The following DLGAP1 variants were observed in gnomAD, a reference collection of about 807,000 sequenced individuals.
DLGAP1 encodes disks large-associated protein 1.
A neutral mutation model predicts 90.8 loss-of-function variants in DLGAP1; 11 were observed. That is an observed-to-expected ratio of 0.12 (90% CI 0.08 to 0.20). The LOEUF is 0.20. DLGAP1 is among the 10% of genes least tolerant of loss of function. DLGAP1 has a pLI of 1.00. For synonymous variants in DLGAP1, 558 were observed against 540.7 expected (o/e 1.03, Z -0.44); for missense variants, 1,050 against 1,333.8 (o/e 0.79, Z 3.31).
rs1018656488 is a variant in DLGAP1 at position 3,881,252 on chromosome 18, G to A, written c.-72-1112C>T. 2.0e-5 allele frequency among the ~76,000 whole-genome samples: 3 copies of A among 152,058 alleles called. No individual in the cohort carries two copies. In the East Asian group the frequency reaches 5.8e-4, roughly 30 times the overall value. On this transcript the variant is annotated intron_variant, in intron 3 of 12. Transcript: ENST00000315677. ...TGATTCCCCTGCCCCAGCCTTCAGA[G>A]TAGCTGGGATTACAGGTGCCTGCCA...
At chr18:3,816,689 T>C (rs1300489946) in intron 4 of DLGAP1, among the ~76,000 whole-genome samples, 1 of 152,220 alleles carries the variant, frequency 6.6e-6, no homozygotes, top group Non-Finnish European at 1.5e-5. Context: ...ATTATTATTA[T>C]TCCCATTTTA....
chr18:3,764,092 A>G (rs2064103318), intron 5 of DLGAP1, among the ~76,000 whole-genome samples: 1 of 152,230 alleles, frequency 6.6e-6, no homozygotes, highest in African/African-American at 2.4e-5. Flanking sequence ...GGCCCTATGC[A>G]TTTAAGTGCT....
chr18:3,872,627 T>TA lies in DLGAP1; in HGVS notation c.957+6484_957+6485insT, dbSNP rs1256735453. On this transcript the variant is annotated intron_variant, in intron 4 of 12. Transcript: ENST00000315677. ...AGTCAGCCTGGCAATACTGCATATA[T>TA]TTTTTAGCAGTTCCTAAAAAACCTG... Among the ~76,000 whole-genome samples, 4 of 152,208 alleles carry TA rather than the reference T, an allele frequency of 2.6e-5. No individual in the cohort carries two copies. The East Asian group carries it at 7.7e-4, about 29-fold the overall frequency.
intron 3 of DLGAP1, among the ~76,000 whole-genome samples, chr18:3,964,627 G>A (rs1292953651): frequency 3.9e-5 from 6 of 152,122 alleles, no homozygotes; most frequent in African/African-American, 9.7e-5. Context: ...ATGAGGAAGA[G>A]CCTTGAAGGA....
intron 1 of DLGAP1, among the ~76,000 whole-genome samples, chr18:4,301,622 G>A (rs1295295745): frequency 6.6e-6 from 1 of 152,154 alleles, no homozygotes; most frequent in East Asian, 1.9e-4. Flanking sequence ...CAGATATGCA[G>A]ATATGCCTTT....
Position 4,453,095 on chromosome 18 carries a change from C to G in DLGAP1, c.-267+1911G>C, listed in dbSNP as rs114442530. Among the ~76,000 whole-genome samples, 660 of 152,142 alleles carry G rather than the reference C, an allele frequency of 4.3e-3. 7 individuals are homozygous for G. Among genetic ancestry groups the G allele is most frequent in the African/African-American group, 0.015 (638 of 41,532 alleles). On this transcript the variant is annotated intron_variant, in intron 1 of 12. Coordinates refer to ENST00000315677, the MANE Select transcript of DLGAP1 (RefSeq NM_004746.4). Reference sequence around the variant, plus strand: ...TAAGTAAATTAGTTTTTTAAAAATTCACAGAATTTTATATCTGCGACTAGG... The same window carrying G: ...TAAGTAAATTAGTTTTTTAAAAATTGACAGAATTTTATATCTGCGACTAGG...
intron 9 of DLGAP1, among the ~76,000 whole-genome samples, chr18:3,549,578 G>A (rs531682991): frequency 7.8e-4 from 119 of 152,148 alleles, no homozygotes; most frequent in African/African-American, 2.7e-3. Context: ...TGATCCACCC[G>A]CCTCGGCCTC....
intron 1 of DLGAP1, among the ~76,000 whole-genome samples, chr18:4,319,006 A>G (rs1395132751): frequency 6.6e-6 from 1 of 152,216 alleles, no homozygotes; most frequent in East Asian, 1.9e-4. Context: ...AAATGTTTTC[A>G]TAACACAAAA....
At chr18:4,296,299 C>T (rs1198091364) in intron 1 of DLGAP1, among the ~76,000 whole-genome samples, 1 of 152,096 alleles carries the variant, frequency 6.6e-6, no homozygotes, top group Non-Finnish European at 1.5e-5. Context: ...AGCTGATGTA[C>T]ACACAGGTGC....
chr18:3,557,200 G>A (rs1220220857), intron 9 of DLGAP1, among the ~76,000 whole-genome samples: 3 of 152,096 alleles, frequency 2.0e-5, no homozygotes, highest in Non-Finnish European at 4.4e-5. Flanking sequence ...TCTAACCACT[G>A]CTTTTGCCTC....
At chr18:4,201,362 C>T (rs190174236) in intron 1 of DLGAP1, among the ~76,000 whole-genome samples, 63 of 152,150 alleles carry the variant, frequency 4.1e-4, no homozygotes, top group Non-Finnish European at 5.6e-4. Context: ...TTTCCAGCAC[C>T]GTTTATTGAA....
At chr18:4,183,361 G>A (rs2077239899) in intron 1 of DLGAP1, among the ~76,000 whole-genome samples, 1 of 152,192 alleles carries the variant, frequency 6.6e-6, no homozygotes, top group South Asian at 2.1e-4. Context: ...AGAAAGAAGA[G>A]AGATATACCA....
At chr18:4,161,159 T>C (rs2076837804) in intron 1 of DLGAP1, among the ~76,000 whole-genome samples, 1 of 152,074 alleles carries the variant, frequency 6.6e-6, no homozygotes. Context: ...CATGGTGCTT[T>C]GCTGCACAGA....
At chr18:3,522,135 C>CTTTTTTTTTTTTTTTT (rs11374414) in intron 10 of DLGAP1, among the ~76,000 whole-genome samples, 12 of 98,216 alleles carry the variant, frequency 1.2e-4, no homozygotes, top group African/African-American at 2.4e-4. Flanking sequence ...TTCTTTCTTG[C>CTTTTTTTTTTTTTTTT]TTTTTTTTTT....
intron 1 of DLGAP1, among the ~76,000 whole-genome samples, chr18:4,245,834 C>G (rs925414267): frequency 6.8e-6 from 1 of 146,634 alleles, no homozygotes; most frequent in Admixed American, 6.8e-5. Flanking sequence ...CACCTACAAG[C>G]TGAAAACAAA....
chr18:4,059,933 G>A (rs1332353299), intron 2 of DLGAP1, among the ~76,000 whole-genome samples: 1 of 152,108 alleles, frequency 6.6e-6, no homozygotes, highest in African/African-American at 2.4e-5. Context: ...CCCCCTCCAG[G>A]ATGCCCTCAG....
intron 1 of DLGAP1, among the ~76,000 whole-genome samples, chr18:4,259,214 G>A (rs996005877): frequency 2.0e-5 from 3 of 152,162 alleles, no homozygotes; most frequent in Non-Finnish European, 4.4e-5. Context: ...TAGAGACAGC[G>A]GAGGTGAAAA....
intron 7 of DLGAP1, among the ~76,000 whole-genome samples, chr18:3,709,761 G>C (rs2061545062): frequency 6.6e-6 from 1 of 152,196 alleles, no homozygotes; most frequent in African/African-American, 2.4e-5. Flanking sequence ...GTTTGGCACA[G>C]AGAAGTGTTC....
At chr18:4,046,972 G>T (rs2075064470) in intron 2 of DLGAP1, among the ~76,000 whole-genome samples, 1 of 152,216 alleles carries the variant, frequency 6.6e-6, no homozygotes, top group Non-Finnish European at 1.5e-5. Flanking sequence ...AGATGCTAAT[G>T]ACCCTTATTC....
Sources: allele counts gnomAD v4.1 joint callset (sites outside exome capture counted in the v4.1 genomes callset), GRCh38; gene constraint gnomAD v4.1.1; transcripts MANE v1.5; gene names NCBI Gene and HGNC (gene_info 2026-07-23, HGNC 2026-07-21).